The following THAP9 variants were observed in gnomAD, a reference collection of about 807,000 sequenced individuals.
The protein encoded by THAP9 is THAP domain containing 9.
In THAP9, 20 loss-of-function variants were observed where a neutral mutation model predicts 35.7. That is an observed-to-expected ratio of 0.56 (90% CI 0.39 to 0.81). The LOEUF (loss-of-function observed/expected upper bound fraction) is 0.81. Ranked by LOEUF, THAP9 falls within the 40% of genes least tolerant of loss-of-function variation. The pLI, the probability that THAP9 is intolerant of heterozygous loss-of-function variation, is 0.00. For synonymous variants in THAP9, 335 were observed against 373.7 expected, an observed-to-expected ratio of 0.90 and a Z score of 1.19; for missense variants, 870 against 1,047.4, an observed-to-expected ratio of 0.83 and a Z score of 2.34.
rs201272422 is a variant in THAP9 at position 82,918,751 on chromosome 4, A to G, written c.2539A>G (p.Arg847Gly). ...TATAATAATCTGTTTCTTAAATATC[A>G]GAGCTAAAAATGTTGCACAGAATCC... ...KDIIICFLNI[R>G]AKNVAQNPLK... Residue 847 changes from arginine (R) to glycine (G), a missense_variant, in exon 5 of 5, where the codon AGA (arginine) becomes GGA (glycine). This residue lies in a region of THAP9 where 414 missense variants were observed against 500.8 expected (regional missense o/e 0.83). Transcript: ENST00000302236. The G allele has an allele frequency of 6.2e-7, 1 of 1,613,798 alleles. No homozygotes were observed. The highest frequency in any genetic ancestry group is 8.5e-7 in the Non-Finnish European group (1 of 1,179,940).
rs145928148 is a variant in THAP9, at chr4:82,917,901, T to C, written c.1689T>C (p.Asn563=). Residue 563 remains asparagine (N), a synonymous_variant, in exon 5 of 5, where the codon AAT becomes AAC. Coordinates refer to ENST00000302236, the MANE Select transcript of THAP9 (RefSeq NM_024672.6). ...TTACATTATCTGACACTAGCAATAA[T>C]CAAATAATTAAAGGTAAGCAAAAAC... ...IFVTLSDTSN[N]QIIKGKQKLG... 157 of 1,613,780 alleles carry C rather than the reference T, an allele frequency of 9.7e-5. No individual in the cohort carries two copies. In the African/African-American group the frequency reaches 2.0e-3, roughly 21 times the overall value.
intron 4 of THAP9, among the ~76,000 whole-genome samples, chr4:82,911,696 A>G (rs1248873866): frequency 6.6e-6 from 1 of 152,180 alleles, no homozygotes; most frequent in Non-Finnish European, 1.5e-5. Context: ...AACTACAGAC[A>G]TGCACCACCA....
At chr4:82,914,959 C>G (rs1720990211) in intron 4 of THAP9, among the ~76,000 whole-genome samples, 1 of 152,090 alleles carries the variant, frequency 6.6e-6, no homozygotes, top group African/African-American at 2.4e-5. Context: ...ACATGTAAGT[C>G]TTTAATCCAT....
Position 82,904,593 on chromosome 4 carries a change from A to C in THAP9, c.81-143A>C, listed in dbSNP as rs1331680402. The C allele has an allele frequency of 1.4e-5, 11 of 766,122 alleles. No individual in the cohort carries two copies. In the South Asian group the frequency reaches 2.8e-4, roughly 20 times the overall value. The allele number at this position is 766,122 out of a possible 1,614,324, so 47.5% of individuals were successfully genotyped here. On this transcript the variant is annotated intron_variant, in intron 1 of 4. Coordinates refer to ENST00000302236, the MANE Select transcript of THAP9 (RefSeq NM_024672.6). ...AAAAATCAAAGAACTTTGAAAAATG[A>C]ACTAAGTAAATTAAACTTTTAATTC...
rs751763962 is a variant in THAP9 at position 82,906,598 on chromosome 4, C to G, written c.551C>G (p.Thr184Arg). ...LVEEKLLSEE[T>R]ECLLRAQFSD... is the part of the protein sequence containing the mutation. ...GAAGAGAAACTACTTTCTGAAGAAA[C>G]AGAGTGTCTGCTACGAGCTCAATTT... The change falls in exon 3 of 5, where the codon ACA becomes AGA. Residue 184 changes from threonine (T) to arginine (R), a missense_variant. By Grantham distance (71) the Thr-to-Arg change is moderately conservative. Transcript: ENST00000302236. 1.2e-6 allele frequency: 2 copies of G among 1,607,518 alleles called. No homozygotes were observed. Among genetic ancestry groups the G allele is most frequent in the East Asian group, 2.2e-5 (1 of 44,792 alleles).
Position 82,918,328 on chromosome 4 carries a change from C to T in THAP9, c.2116C>T (p.Leu706=), listed in dbSNP as rs1273535009. The T allele has an allele frequency of 8.1e-6, 13 of 1,614,086 alleles. No homozygotes were observed. The highest frequency in any genetic ancestry group is 1.6e-4 in the Middle Eastern group (1 of 6,084). Residue 706 remains leucine, a synonymous_variant, in exon 5 of 5, where the codon CTA becomes TTA. Coordinates refer to ENST00000302236, the MANE Select transcript of THAP9 (RefSeq NM_024672.6). ...TCATTGTTCACTAAGTGAGGCATTA[C>T]TAGACCTGTCAGATCATAGGCGAAA... ...WSHCSLSEAL[L]DLSDHRRNLI... is the part of the protein sequence containing the mutation.
At chr4:82,909,308 C>G (rs867703311) in intron 4 of THAP9, among the ~76,000 whole-genome samples, 1 of 152,040 alleles carries the variant, frequency 6.6e-6, no homozygotes, top group Non-Finnish European at 1.5e-5. Flanking sequence ...GTGGGCTGCT[C>G]TTCTAATTGA....
At chr4:82,902,395 A>T (rs985681831) in intron 1 of THAP9, among the ~76,000 whole-genome samples, 11 of 152,050 alleles carry the variant, frequency 7.2e-5, no homozygotes, top group Non-Finnish European at 1.3e-4. Flanking sequence ...ACGCATAGGA[A>T]ATAATTGTTC....
At chr4:82,907,582 C>G (rs1720697036) in intron 3 of THAP9, among the ~76,000 whole-genome samples, 1 of 152,084 alleles carries the variant, frequency 6.6e-6, no homozygotes, top group South Asian at 2.1e-4. Flanking sequence ...TTTTTCTTCC[C>G]TCTAGTGAAA....
In THAP9 at chr4:82,904,796, C is replaced by T. The variant is rs748930247; in HGVS notation, c.141C>T (p.Pro47=). ...TCAGGGCTGTTAATCGTGTGGACCCCAGAAGCAAAAAGATTTGGATTCCAG... is the reference window on the plus strand; with the variant it reads ...TCAGGGCTGTTAATCGTGTGGACCCTAGAAGCAAAAAGATTTGGATTCCAG... ...KWIRAVNRVD[P]RSKKIWIPGP... is the part of the protein sequence containing the mutation. Residue 47 remains proline, a synonymous_variant, in exon 2 of 5, where the codon CCC becomes CCT. Coordinates refer to ENST00000302236, the MANE Select transcript of THAP9 (RefSeq NM_024672.6). 2 of 1,613,996 alleles carry T rather than the reference C, an allele frequency of 1.2e-6. No individual in the cohort carries two copies. The highest frequency in any genetic ancestry group is 4.5e-5 in the East Asian group (2 of 44,852).
rs1270493444 is a variant in THAP9 at position 82,918,378 on chromosome 4, T to C, written c.2166T>C (p.Val722=). Residue 722 remains valine (V), a synonymous_variant, in exon 5 of 5, where the codon GTT becomes GTC. Coordinates refer to ENST00000302236, the MANE Select transcript of THAP9 (RefSeq NM_024672.6). ...ATCTCATCTGTTATGCTGGTTATGT[T>C]GCAAACAAGTTATCAGCTCTTTTAA... ...RRNLICYAGY[V]ANKLSALLTC... 1.2e-6 allele frequency: 2 copies of C among 1,614,186 alleles called. No homozygotes were observed. Among genetic ancestry groups the C allele is most frequent in the South Asian group, 2.2e-5 (2 of 91,082 alleles).
At chr4:82,904,564 TAAAA>T (rs1028689358) in intron 1 of THAP9, among the ~76,000 whole-genome samples, 168 bp from the exon 2 acceptor site, 1 of 151,980 alleles carries the variant, frequency 6.6e-6, no homozygotes, top group Non-Finnish European at 1.5e-5. Context: ...ACCTTTGGAT[TAAAA>T]AAAATCAAAG....
chr4:82,917,156 C>T lies in THAP9; in HGVS notation c.944C>T (p.Thr315Met), dbSNP rs766684750. ...CTTGGAAAACTTGATGCTGATGAAACGCCACTTGCTTCAGAAACTGTTTTG... is the reference window on the plus strand; with the variant it reads ...CTTGGAAAACTTGATGCTGATGAAATGCCACTTGCTTCAGAAACTGTTTTG... ...FGLGKLDADE[T>M]PLASETVLLM... The change falls in exon 5 of 5, where the codon ACG (threonine) becomes ATG (methionine). Residue 315 changes from threonine (T) to methionine (M), a missense_variant. Physicochemically the swap from Thr to Met is moderately conservative, Grantham distance 81. Transcript: ENST00000302236. 1.7e-5 allele frequency: 28 copies of T among 1,613,202 alleles called. No individual in the cohort carries two copies. Among genetic ancestry groups the T allele is most frequent in the South Asian group, 1.2e-4 (11 of 90,978 alleles).
At chr4:82,906,109 ACAT>A (rs1720636013) in intron 2 of THAP9, among the ~76,000 whole-genome samples, 2 of 151,108 alleles carry the variant, frequency 1.3e-5, no homozygotes, top group Admixed American at 1.3e-4. Context: ...GAAACTTTCA[ACAT>A]CATATTAATA....
intron 4 of THAP9, among the ~76,000 whole-genome samples, chr4:82,915,349 C>A (rs1281595415): frequency 6.6e-6 from 1 of 152,124 alleles, no homozygotes; most frequent in African/African-American, 2.4e-5. Context: ...CTCTGCCTCC[C>A]ACGTTCAAGC....
At chr4:82,904,444 T>A (rs1720560632) in intron 1 of THAP9, among the ~76,000 whole-genome samples, 1 of 152,198 alleles carries the variant, frequency 6.6e-6, no homozygotes, top group Non-Finnish European at 1.5e-5. Flanking sequence ...TCTTTAACCA[T>A]TTAAATTTGA....
At position 82,904,685 on chromosome 4, in the gene THAP9, A is replaced by G. The variant is rs111362129; in HGVS notation, c.81-51A>G. ...GGTTTATATAATAAATACTACTGTAATAGTACTATAATGTTTTCATGTTAA... is the reference window on the plus strand; with the variant it reads ...GGTTTATATAATAAATACTACTGTAGTAGTACTATAATGTTTTCATGTTAA... On this transcript the variant is annotated intron_variant, in intron 1 of 4. Transcript: ENST00000302236. 12 of 1,514,866 alleles carry G rather than the reference A, an allele frequency of 7.9e-6. No homozygotes were observed. In the Middle Eastern group the frequency reaches 5.1e-4, roughly 64 times the overall value. 93.8% of individuals were successfully genotyped at this position (1,514,866 alleles called of 1,614,324 possible). A position where few individuals can be genotyped will look rare whatever the true frequency, so the allele number is the denominator to read the frequency against.
At chr4:82,903,079 C>G (rs1720492496) in intron 1 of THAP9, among the ~76,000 whole-genome samples, 1 of 152,218 alleles carries the variant, frequency 6.6e-6, no homozygotes, top group African/African-American at 2.4e-5. Flanking sequence ...ATACCAATCT[C>G]AGTTCTAGTA....
At chr4:82,909,478 T>C (rs1720787385) in intron 4 of THAP9, among the ~76,000 whole-genome samples, 1 of 152,240 alleles carries the variant, frequency 6.6e-6, no homozygotes, top group East Asian at 1.9e-4. Flanking sequence ...TTATGATCTT[T>C]TGTAAATAAA....
Sources: allele counts gnomAD v4.1 joint callset (sites outside exome capture counted in the v4.1 genomes callset), GRCh38; gene constraint gnomAD v4.1.1; regional missense constraint gnomAD v4.1.1; transcripts MANE v1.5; gene names NCBI Gene and HGNC (gene_info 2026-07-23, HGNC 2026-07-21).